The following TACR3 variants were observed in gnomAD, a reference collection of about 807,000 sequenced individuals.
The protein encoded by TACR3 is tachykinin receptor 3.
A neutral mutation model predicts 35.0 loss-of-function variants in TACR3; 34 were observed. The ratio of observed to expected loss-of-function variants is 0.97; its 90% CI spans 0.74 to 1.30. The LOEUF (loss-of-function observed/expected upper bound fraction) is 1.30. Ranked by LOEUF, TACR3 falls within the 50% of genes most tolerant of loss-of-function variation. TACR3 has a pLI of 0.00. For synonymous variants in TACR3, 233 were observed against 221.1 expected, an observed-to-expected ratio of 1.05 and a Z score of -0.48; for missense variants, 558 against 591.7, an observed-to-expected ratio of 0.94 and a Z score of 0.59.
intron 1 of TACR3, among the ~76,000 whole-genome samples, chr4:103,699,320 C>T (rs1305951035): frequency 6.6e-6 from 1 of 152,038 alleles, no homozygotes; most frequent in African/African-American, 2.4e-5. Context: ...GCCTAGTATG[C>T]TGATAAAATG....
intron 3 of TACR3, among the ~76,000 whole-genome samples, chr4:103,619,575 G>T (rs767912585): frequency 6.6e-6 from 1 of 152,164 alleles, no homozygotes; most frequent in African/African-American, 2.4e-5. Context: ...AGTGGTGAGA[G>T]TCGGCATCCT....
At chr4:103,676,501 A>T (rs1726172232) in intron 1 of TACR3, among the ~76,000 whole-genome samples, 2 of 152,152 alleles carry the variant, frequency 1.3e-5, no homozygotes, top group Admixed American at 1.3e-4. Flanking sequence ...ATGCAGACAA[A>T]GACAAACAAA....
At position 103,674,070 on chromosome 4, in the gene TACR3, C is replaced by CT; in HGVS notation, c.549-15668_549-15667insA. Among the ~76,000 whole-genome samples the CT allele has an allele frequency of 3.9e-5, 6 of 152,182 alleles. No individual in the cohort carries two copies. The Middle Eastern group carries it at 0.02, about 518-fold the overall frequency. On this transcript the variant is annotated intron_variant, in intron 1 of 4. Coordinates refer to ENST00000304883, the MANE Select transcript of TACR3 (RefSeq NM_001059.3). ...AGTGAAAGAAACTCCCAGGTAGGAG[C>CT]AATAGACTTATTGCAGAGTAGTTAA...
chr4:103,695,769 C>T (rs1020876718), intron 1 of TACR3, among the ~76,000 whole-genome samples: 1 of 151,086 alleles, frequency 6.6e-6, no homozygotes, highest in Non-Finnish European at 1.5e-5. Flanking sequence ...ATAGTTCTCA[C>T]ATATTATATT....
At chr4:103,689,097 G>C (rs1481848118) in intron 1 of TACR3, among the ~76,000 whole-genome samples, 2 of 151,790 alleles carry the variant, frequency 1.3e-5, no homozygotes, top group Non-Finnish European at 2.9e-5. Context: ...CATGTCCTTT[G>C]TAGGGACATG....
chr4:103,610,057 T>C (rs1347357935), intron 3 of TACR3, among the ~76,000 whole-genome samples: 1 of 152,132 alleles, frequency 6.6e-6, no homozygotes, highest in Non-Finnish European at 1.5e-5. Flanking sequence ...TTGGCTATTG[T>C]GATTAGTGCT....
chr4:103,667,462 A>G (rs1725959025), intron 1 of TACR3, among the ~76,000 whole-genome samples: 1 of 152,180 alleles, frequency 6.6e-6, no homozygotes, highest in Non-Finnish European at 1.5e-5. Context: ...TATATTTCTA[A>G]ATAACTAAAT....
intron 3 of TACR3, among the ~76,000 whole-genome samples, chr4:103,640,171 TA>T (rs1486885544): frequency 3.3e-5 from 5 of 152,054 alleles, no homozygotes; most frequent in Non-Finnish European, 5.9e-5. Flanking sequence ...AGTAGACCAG[TA>T]ACTGGCAATG....
chr4:103,625,177 A>C (rs1470395765), intron 3 of TACR3, among the ~76,000 whole-genome samples: 2 of 152,192 alleles, frequency 1.3e-5, no homozygotes, highest in Non-Finnish European at 2.9e-5. Context: ...AAAATTAAAA[A>C]AGTTATATAC....
chr4:103,639,400 A>G (rs1006648648), intron 3 of TACR3, among the ~76,000 whole-genome samples: 1 of 151,938 alleles, frequency 6.6e-6, no homozygotes, highest in African/African-American at 2.4e-5. Context: ...ATGAGAACAC[A>G]TGGACACAGG....
intron 1 of TACR3, among the ~76,000 whole-genome samples, chr4:103,667,964 G>A (rs1264912729): frequency 6.6e-6 from 1 of 151,946 alleles, no homozygotes; most frequent in Non-Finnish European, 1.5e-5. Flanking sequence ...GAGTAGCTGG[G>A]ACCAGAGGTG....
intron 1 of TACR3, among the ~76,000 whole-genome samples, chr4:103,692,470 C>A (rs1295897538): frequency 1.3e-5 from 2 of 152,122 alleles, no homozygotes; most frequent in East Asian, 3.9e-4. Context: ...CTATAACATA[C>A]CACTCTCAGT....
At position 103,587,352 on chromosome 4, in the gene TACR3, G is replaced by GT. The variant is rs1447794085; in HGVS notation, c.*2329dup. ...CATGAGTAGTGAGTGAATGATGCCA[G>GT]TTTTTTTCTGGAAAGCATTGAAAAA... On this transcript the variant is annotated 3_prime_UTR_variant, in exon 5 of 5. Coordinates refer to ENST00000304883, the MANE Select transcript of TACR3 (RefSeq NM_001059.3). The GT allele has an allele frequency of 6.6e-6, 1 of 151,946 alleles. No individual in the cohort carries two copies. Among genetic ancestry groups the GT allele is most frequent in the East Asian group, 1.9e-4 (1 of 5,192 alleles). The allele number at this position is 151,946 out of a possible 1,614,324, so 9.4% of individuals were successfully genotyped here.
intron 1 of TACR3, among the ~76,000 whole-genome samples, chr4:103,710,687 A>G (rs1476339384): frequency 6.6e-6 from 1 of 152,204 alleles, no homozygotes; most frequent in Non-Finnish European, 1.5e-5. Flanking sequence ...CCTTCAAAAA[A>G]TCAATGAATC....
At chr4:103,629,072 T>G (rs1724982171) in intron 3 of TACR3, among the ~76,000 whole-genome samples, 1 of 152,158 alleles carries the variant, frequency 6.6e-6, no homozygotes, top group Non-Finnish European at 1.5e-5. Flanking sequence ...ACAAAAGGCC[T>G]TTGACAAAAT....
At chr4:103,619,177 A>G (rs2110302647) in intron 3 of TACR3, among the ~76,000 whole-genome samples, 1 of 152,146 alleles carries the variant, frequency 6.6e-6, no homozygotes, top group African/African-American at 2.4e-5. Context: ...ATCATCTGTG[A>G]AGAGAGATAG....
At chr4:103,687,231 T>C (rs1417367526) in intron 1 of TACR3, among the ~76,000 whole-genome samples, 2 of 152,134 alleles carry the variant, frequency 1.3e-5, no homozygotes, top group African/African-American at 2.4e-5. Flanking sequence ...AAATTACGTA[T>C]TGATGGGACG....
intron 1 of TACR3, among the ~76,000 whole-genome samples, chr4:103,662,164 G>A (rs1725846680): frequency 1.3e-5 from 2 of 151,402 alleles, no homozygotes; most frequent in Non-Finnish European, 1.5e-5. Flanking sequence ...AGTGAGGGTT[G>A]CAAAGATTTC....
At chr4:103,658,974 C>G (rs777453717) in intron 1 of TACR3, among the ~76,000 whole-genome samples, 8 of 152,150 alleles carry the variant, frequency 5.3e-5, no homozygotes, top group Non-Finnish European at 1.0e-4. Flanking sequence ...TGGGAGACAG[C>G]GACAGATCAT....
Sources: allele counts gnomAD v4.1 joint callset (sites outside exome capture counted in the v4.1 genomes callset), GRCh38; gene constraint gnomAD v4.1.1; transcripts MANE v1.5; gene names NCBI Gene and HGNC (gene_info 2026-07-23, HGNC 2026-07-21).